The following CACNA2D1 variants were observed in gnomAD, a reference collection of about 807,000 sequenced individuals.
The protein encoded by CACNA2D1 is calcium voltage-gated channel auxiliary subunit alpha2delta 1.
In CACNA2D1, 53 loss-of-function variants were observed where a neutral mutation model predicts 171.5. The ratio of observed to expected loss-of-function variants is 0.31; its 90% CI spans 0.25 to 0.39. The LOEUF (loss-of-function observed/expected upper bound fraction) is 0.39. CACNA2D1 is among the 10% of genes least tolerant of loss of function. The pLI, the probability that CACNA2D1 is intolerant of heterozygous loss-of-function variation, is 1.00. For synonymous variants in CACNA2D1, 442 were observed against 443.1 expected (o/e 1.00, Z 0.03); for missense variants, 903 against 1,299.8 (o/e 0.69, Z 4.69).
chr7:81,964,540 T>G lies in CACNA2D1; in HGVS notation c.2575-181A>C, dbSNP rs150815216. On this transcript the variant is annotated intron_variant, in intron 32 of 38. Transcript: ENST00000356860. ...CACTGTGAACAAACTAAAATGAGAG[T>G]AAGTGTTCTCATTACTCAGTGGGGC... 2.2e-3 allele frequency among the ~76,000 whole-genome samples: 340 copies of G among 151,518 alleles called. 2 individuals carry two copies. Among genetic ancestry groups the G allele is most frequent in the African/African-American group, 7.9e-3 (327 of 41,346 alleles).
chr7:81,978,753 G>GTGTGTGTATA (rs145105210), intron 24 of CACNA2D1, among the ~76,000 whole-genome samples: 9,591 of 139,318 alleles, frequency 0.069, 397 homozygotes, highest in South Asian at 0.091. Context: ...TTTAAAAAGT[G>GTGTGTGTATA]TATATATATA....
Position 82,154,577 on chromosome 7 carries a change from A to C in CACNA2D1, c.354+15973T>G, listed in dbSNP as rs1794184933. Among the ~76,000 whole-genome samples the C allele has an allele frequency of 2.0e-5, 3 of 152,122 alleles. No individual in the cohort carries two copies. The South Asian group carries it at 6.2e-4, about 32-fold the overall frequency. On this transcript the variant is annotated intron_variant, in intron 4 of 38. Coordinates refer to ENST00000356860, the MANE Select transcript of CACNA2D1 (RefSeq NM_000722.4). ...AGTAAAAAACCTACGCATTCTTTACATGTATCCTTGAGCTTAAATTTAAAA... is the reference window on the plus strand; with the variant it reads ...AGTAAAAAACCTACGCATTCTTTACCTGTATCCTTGAGCTTAAATTTAAAA...
intron 3 of CACNA2D1, among the ~76,000 whole-genome samples, chr7:82,172,172 A>G (rs17155976): frequency 0.064 from 9,753 of 152,084 alleles, 655 homozygotes; most frequent in African/African-American, 0.17. Flanking sequence ...ATAAGAAGCT[A>G]GGAAATGTTA....
chr7:82,333,465 G>A (rs1291376173), intron 3 of CACNA2D1, among the ~76,000 whole-genome samples: 2 of 145,662 alleles, frequency 1.4e-5, no homozygotes, highest in African/African-American at 2.6e-5. Flanking sequence ...GGCAAAGGAG[G>A]AGCAAAGTCA....
At chr7:82,346,844 A>G (rs1429619139) in intron 2 of CACNA2D1, among the ~76,000 whole-genome samples, 1 of 152,164 alleles carries the variant, frequency 6.6e-6, no homozygotes, top group Non-Finnish European at 1.5e-5. Flanking sequence ...TTATGTTTTC[A>G]AGGTACAAAT....
At chr7:82,046,836 T>C (rs1159935731) in intron 10 of CACNA2D1, among the ~76,000 whole-genome samples, 1 of 152,198 alleles carries the variant, frequency 6.6e-6, no homozygotes, top group East Asian at 1.9e-4. Context: ...TAAACAAATA[T>C]TTCAAACAAC....
chr7:82,253,508 T>C (rs1159100991), intron 3 of CACNA2D1, among the ~76,000 whole-genome samples: 1 of 152,172 alleles, frequency 6.6e-6, no homozygotes, highest in Admixed American at 6.6e-5. Context: ...GGAAGATGGT[T>C]TCAGGTTACA....
At chr7:81,977,146 C>T (rs1228570149) in intron 24 of CACNA2D1, among the ~76,000 whole-genome samples, 2 of 152,106 alleles carry the variant, frequency 1.3e-5, no homozygotes, top group African/African-American at 4.8e-5. Context: ...AAAGGGAATG[C>T]TTCCAGCTTT....
chr7:82,294,741 C>T (rs982524269), intron 3 of CACNA2D1, among the ~76,000 whole-genome samples: 2 of 152,060 alleles, frequency 1.3e-5, no homozygotes, highest in African/African-American at 2.4e-5. Flanking sequence ...TTTAAACCAA[C>T]AGCCTACAAA....
chr7:82,267,092 A>G (rs1807965648), intron 3 of CACNA2D1, among the ~76,000 whole-genome samples: 1 of 152,206 alleles, frequency 6.6e-6, no homozygotes, highest in African/African-American at 2.4e-5. Context: ...TACAGAATAT[A>G]GCCTTCTTAA....
chr7:82,326,096 C>T (rs529033912), intron 3 of CACNA2D1, among the ~76,000 whole-genome samples: 13 of 152,118 alleles, frequency 8.5e-5, no homozygotes, highest in South Asian at 2.1e-4. Flanking sequence ...GGAGAGGTTC[C>T]GGTCACCCAA....
chr7:82,094,971 T>C (rs982143825), intron 6 of CACNA2D1, among the ~76,000 whole-genome samples: 2 of 152,050 alleles, frequency 1.3e-5, no homozygotes, highest in African/African-American at 2.4e-5. Flanking sequence ...ACTTGGCAAA[T>C]GTCTTCCCTA....
At chr7:82,423,150 T>C (rs375149931) in intron 1 of CACNA2D1, among the ~76,000 whole-genome samples, 2 of 152,262 alleles carry the variant, frequency 1.3e-5, no homozygotes, top group African/African-American at 2.4e-5. Context: ...ATCTGAGTTA[T>C]CAATGGAGAC....
intron 7 of CACNA2D1, among the ~76,000 whole-genome samples, chr7:82,072,058 T>G (rs1465500588): frequency 6.6e-6 from 1 of 152,158 alleles, no homozygotes; most frequent in African/African-American, 2.4e-5. Context: ...CCTCCGAGTA[T>G]TTTTTAAATG....
At chr7:82,158,726 T>C (rs1190637637) in intron 4 of CACNA2D1, among the ~76,000 whole-genome samples, 1 of 151,884 alleles carries the variant, frequency 6.6e-6, no homozygotes, top group Non-Finnish European at 1.5e-5. Context: ...GGTTAAATAA[T>C]TGGCTGAAAG....
At chr7:82,092,345 C>A (rs1379143105) in intron 6 of CACNA2D1, among the ~76,000 whole-genome samples, 1 of 151,834 alleles carries the variant, frequency 6.6e-6, no homozygotes, top group Non-Finnish European at 1.5e-5. Flanking sequence ...GAAGAAAATA[C>A]AATATCTTCT....
At chr7:82,105,398 CTTTTT>C (rs572031121) in intron 6 of CACNA2D1, among the ~76,000 whole-genome samples, 36 of 99,472 alleles carry the variant, frequency 3.6e-4, no homozygotes, top group African/African-American at 1.2e-3. Flanking sequence ...CAGTTTTTGT[CTTTTT>C]TTTTTTTTTT....
chr7:82,301,762 CACACACACACAT>C (rs1390858736), intron 3 of CACNA2D1, among the ~76,000 whole-genome samples: 1 of 149,072 alleles, frequency 6.7e-6, no homozygotes, highest in East Asian at 2.1e-4. Context: ...CACACACACA[CACACACACACAT>C]AGAGAGAGAG....
intron 1 of CACNA2D1, among the ~76,000 whole-genome samples, chr7:82,429,250 A>G (rs1256889431): frequency 6.6e-6 from 1 of 152,204 alleles, no homozygotes; most frequent in African/African-American, 2.4e-5. Flanking sequence ...ACTTGATATA[A>G]ATCATTATAA....
Sources: allele counts gnomAD v4.1 joint callset (sites outside exome capture counted in the v4.1 genomes callset), GRCh38; gene constraint gnomAD v4.1.1; transcripts MANE v1.5; gene names NCBI Gene and HGNC (gene_info 2026-07-23, HGNC 2026-07-21).